The following CLNS1A variants were observed in gnomAD, a reference collection of about 807,000 sequenced individuals.
CLNS1A encodes the protein chloride nucleotide-sensitive channel 1A, also known as methylosome subunit pICln.
CLNS1A carries 16 observed loss-of-function variants against 29.4 expected under a neutral mutation model. That is an observed-to-expected ratio of 0.54 (90% confidence interval 0.37 to 0.83). The LOEUF is 0.83. Ranked by LOEUF, CLNS1A falls within the 40% of genes least tolerant of loss-of-function variation. The probability of loss-of-function intolerance (pLI) is 0.00; values close to 1 mark genes in which losing one functional copy is unlikely to be tolerated. For synonymous variants in CLNS1A, 96 were observed against 104.8 expected (o/e 0.92, Z 0.51); for missense variants, 235 against 287.4 (o/e 0.82, Z 1.32).
chr11:77,632,827 A>G (rs1337907901), intron 1 of CLNS1A, among the ~76,000 whole-genome samples: 3 of 152,072 alleles, frequency 2.0e-5, no homozygotes, highest in African/African-American at 7.2e-5. Flanking sequence ...GCTCAGGCCT[A>G]TAATTTTGGG....
chr11:77,622,437 G>C, intron 5 of CLNS1A, 63 bp downstream of exon 5: 1 of 1,227,160 alleles, frequency 8.1e-7, no homozygotes. Context: ...AACTTCTATT[G>C]ACTATCCATA....
At position 77,615,437 on chromosome 11, in the gene CLNS1A, A is replaced by C. The variant is rs150587215; in HGVS notation, c.*1281T>G. On this transcript the variant is annotated 3_prime_UTR_variant, in exon 7 of 7. Coordinates refer to ENST00000525428, the MANE Select transcript of CLNS1A (RefSeq NM_001293.3). ...CACAATTCACTATCTACATGACCTT[A>C]AGCAAGTTATTTTACCTCTCTCTAT... The C allele has an allele frequency of 8.3e-4, 127 of 152,322 alleles. No homozygotes were observed. Among genetic ancestry groups the C allele is most frequent in the African/African-American group, 2.8e-3 (118 of 41,562 alleles). The allele number at this position is 152,322 out of a possible 1,614,324, so 9.4% of individuals were successfully genotyped here. A position where few individuals can be genotyped will look rare whatever the true frequency, so the allele number is the denominator to read the frequency against.
In CLNS1A at chr11:77,616,019, T is replaced by C. The variant is rs1244609058; in HGVS notation, c.*699A>G. ...TACTTGCCAGAAGCTATAACTATAT[T>C]TTCTTATTAATTTCATGTTCATCTT... On this transcript the variant is annotated 3_prime_UTR_variant, in exon 7 of 7. Transcript: ENST00000525428. 6.6e-6 allele frequency: 1 copy of C among 152,210 alleles called. No individual in the cohort carries two copies. The highest frequency in any genetic ancestry group is 1.9e-4 in the East Asian group (1 of 5,204). 9.4% of individuals were successfully genotyped at this position (152,210 alleles called of 1,614,324 possible).
chr11:77,619,433 G>A (rs963746258), intron 6 of CLNS1A, 173 bp downstream of exon 6: 1 of 569,382 alleles, frequency 1.8e-6, no homozygotes, highest in Middle Eastern at 4.7e-4. Context: ...TTGGGAGGGT[G>A]AGGCAGGTGG....
rs1489835285 is a variant in CLNS1A at position 77,619,623 on chromosome 11, C to T, written c.*5G>A. On this transcript the variant is annotated 3_prime_UTR_variant, in exon 6 of 7. Coordinates refer to ENST00000525428, the MANE Select transcript of CLNS1A (RefSeq NM_001293.3). ...CTACTCACCTTAAACTTGCATAAAT[C>T]ATTTTCAGTGATCAACATCTGCATC... The T allele has an allele frequency of 6.2e-7, 1 of 1,609,416 alleles. No individual in the cohort carries two copies. The highest frequency in any genetic ancestry group is 8.5e-7 in the Non-Finnish European group (1 of 1,175,878).
In CLNS1A at chr11:77,637,698, C is replaced by A; in HGVS notation, c.17G>T (p.Ser6Ile). 6.4e-7 allele frequency: 1 copy of A among 1,559,094 alleles called. No homozygotes were observed. Among genetic ancestry groups the A allele is most frequent in the Non-Finnish European group, 8.7e-7 (1 of 1,151,494 alleles). Residue 6 changes from serine (S) to isoleucine (I), a missense_variant, in exon 1 of 7, where the codon AGT (serine) becomes ATT (isoleucine). By Grantham distance (142) the Ser-to-Ile change is moderately radical. Coordinates refer to ENST00000525428, the MANE Select transcript of CLNS1A (RefSeq NM_001293.3). The stretch of plus-strand genomic sequence containing the variant: ...CTCCGCTGGCCCAGGCGGCGGGAAA[C>A]TTTTGAGGAAGCTCATAGCAGCAGA... Reference protein sequence around the residue: MSFLKSFPPPGPAEGL... With the variant: MSFLKIFPPPGPAEGL...
intron 6 of CLNS1A, among the ~76,000 whole-genome samples, chr11:77,618,255 A>C (rs1958924152): frequency 6.6e-6 from 1 of 152,260 alleles, no homozygotes; most frequent in Admixed American, 6.5e-5. Flanking sequence ...TAAAACAAGT[A>C]TCACTGAACT....
At chr11:77,633,226 C>T (rs904114050) in intron 1 of CLNS1A, among the ~76,000 whole-genome samples, 10 of 151,878 alleles carry the variant, frequency 6.6e-5, no homozygotes, top group Non-Finnish European at 1.3e-4. Flanking sequence ...TTTTCTAATT[C>T]TAGCAGAGGC....
chr11:77,627,508 T>TCTAGTAAGATAGGAAATCC (rs1283173153), intron 2 of CLNS1A, among the ~76,000 whole-genome samples: 2 of 152,018 alleles, frequency 1.3e-5, no homozygotes, highest in Non-Finnish European at 2.9e-5. Context: ...GATACTAATT[T>TCTAGTAAGATAGGAAATCC]CTAGTAAGAT....
chr11:77,631,340 TA>T (rs1959071641), intron 1 of CLNS1A, among the ~76,000 whole-genome samples: 1 of 151,504 alleles, frequency 6.6e-6, no homozygotes, highest in Admixed American at 6.6e-5. Flanking sequence ...TTTTTTTTTT[TA>T]GACAGAGTCT....
chr11:77,625,914 A>C (rs1432750384), intron 2 of CLNS1A, 96 bp from the exon 3 acceptor site: 4 of 1,036,932 alleles, frequency 3.9e-6, no homozygotes, highest in Non-Finnish European at 5.5e-6. Flanking sequence ...TTAATTTCCA[A>C]TTATGGTTGA....
chr11:77,621,745 G>C (rs929499525), intron 5 of CLNS1A: 1 of 285,156 alleles, frequency 3.5e-6, no homozygotes, highest in African/African-American at 2.2e-5. Context: ...TTTCTGTGGA[G>C]GTTATTTTTT....
At chr11:77,634,157 A>C (rs1225317267) in intron 1 of CLNS1A, among the ~76,000 whole-genome samples, 1 of 152,134 alleles carries the variant, frequency 6.6e-6, no homozygotes, top group Non-Finnish European at 1.5e-5. Flanking sequence ...AATAAGCCGG[A>C]GATTCTAAAT....
At chr11:77,629,732 GA>G in intron 2 of CLNS1A, 30 bp downstream of exon 2, 1 of 1,598,804 alleles carries the variant, frequency 6.3e-7, no homozygotes, top group Non-Finnish European at 8.5e-7. Context: ...GCTATCAAAG[GA>G]GGCATTAGAT....
At chr11:77,617,367 CAAAAA>C (rs71043593) in intron 6 of CLNS1A, among the ~76,000 whole-genome samples, 6 of 65,878 alleles carry the variant, frequency 9.1e-5, no homozygotes, top group Non-Finnish European at 1.7e-4. Context: ...AACTCCATCT[CAAAAA>C]AAAAAAAAAA....
intron 4 of CLNS1A, among the ~76,000 whole-genome samples, chr11:77,624,562 G>C (rs1958996040): frequency 6.6e-6 from 1 of 152,154 alleles, no homozygotes; most frequent in African/African-American, 2.4e-5. Context: ...GCTCACACCT[G>C]TAATCCCAGC....
intron 1 of CLNS1A, among the ~76,000 whole-genome samples, chr11:77,635,760 G>A (rs558691595): frequency 6.6e-6 from 1 of 152,302 alleles, no homozygotes; most frequent in South Asian, 2.1e-4. Context: ...AATAAAAAAG[G>A]AATGCCTGGG....
At chr11:77,627,921 G>T (rs1329947757) in intron 2 of CLNS1A, among the ~76,000 whole-genome samples, 1 of 152,114 alleles carries the variant, frequency 6.6e-6, no homozygotes, top group Non-Finnish European at 1.5e-5. Context: ...CACCTCCCGG[G>T]TTCAAGTGAT....
intron 5 of CLNS1A, chr11:77,621,952 C>T (rs1390649986): frequency 2.2e-5 from 10 of 456,024 alleles, no homozygotes; most frequent in South Asian, 9.3e-5. Context: ...TCCAGTCTGC[C>T]GGCTTACCAT....
Sources: gnomAD v4.1 joint callset for allele counts (sites outside exome capture counted in the v4.1 genomes callset) on GRCh38, gnomAD v4.1.1 for gene constraint, MANE v1.5 for transcripts, NCBI Gene and HGNC (gene_info 2026-07-23, HGNC 2026-07-21) for gene names.